The following GPR174 variants were observed in gnomAD, a reference collection of about 807,000 sequenced individuals.
GPR174 encodes probable G protein-coupled receptor 174.
GPR174 carries 8 observed loss-of-function variants against 16.5 expected under a neutral mutation model. The ratio of observed to expected loss-of-function variants is 0.48; its 90% CI spans 0.28 to 0.87. The LOEUF (loss-of-function observed/expected upper bound fraction) is 0.87. Among genes scored for constraint, GPR174 ranks in the 40% least tolerant of loss-of-function variants. The pLI, the probability that GPR174 is intolerant of heterozygous loss-of-function variation, is 0.09. For synonymous variants in GPR174, 111 were observed against 94.8 expected (o/e 1.17, Z -0.99); for missense variants, 214 against 247.5 (o/e 0.86, Z 0.91).
At chrX:79,170,282 A>G (rs761524100) in intron 2 of GPR174, among the ~76,000 whole-genome samples, 170 bp from the exon 3 acceptor site, 2 of 111,352 alleles carry the variant, frequency 1.8e-5, no homozygotes, top group South Asian at 7.5e-4. Context: ...ATGTTCTTTC[A>G]AGCTATGTTT....
At chrX:79,166,430 T>C (rs1921366365) in intron 2 of GPR174, among the ~76,000 whole-genome samples, 1 of 80,820 alleles carries the variant, frequency 1.2e-5, no homozygotes, top group Non-Finnish European at 2.3e-5. Context: ...CTTTTCTTTT[T>C]TCTTTTTTTT....
chrX:79,166,531 C>T (rs746753450), intron 2 of GPR174, among the ~76,000 whole-genome samples: 91 of 101,802 alleles, frequency 8.9e-4, no homozygotes, highest in African/African-American at 3.1e-3. Context: ...CTCTGCCTCC[C>T]GGGTTCAAGC....
Position 79,172,149 on chromosome X carries a change from C to A in GPR174, c.*140C>A. On this transcript the variant is annotated 3_prime_UTR_variant, in exon 3 of 3. Transcript: ENST00000645147. ...TCTTACTGCTATGGGGAATTCACTT[C>A]TTCAAAGCAGGACCTATTTGGAGCA... The A allele has an allele frequency of 3.4e-6, 2 of 586,176 alleles. No homozygotes were observed. The highest frequency in any genetic ancestry group is 5.2e-6 in the Non-Finnish European group (2 of 381,459). 48.3% of individuals were successfully genotyped at this position (586,176 alleles called of 1,213,427 possible).
At chrX:79,155,165 T>C (rs749748174) in intron 1 of GPR174, among the ~76,000 whole-genome samples, 1 of 112,302 alleles carries the variant, frequency 8.9e-6, no homozygotes, top group South Asian at 3.7e-4. Context: ...GTTACTCTAG[T>C]TTGATCTCAC....
intron 2 of GPR174, among the ~76,000 whole-genome samples, chrX:79,164,416 A>G (rs1214128996): frequency 8.9e-6 from 1 of 111,908 alleles, no homozygotes; most frequent in African/African-American, 3.3e-5. Context: ...CACTGGTGGA[A>G]GATTACTTAA....
At position 79,172,205 on chromosome X, in the gene GPR174, T is replaced by C. The variant is rs1921536362; in HGVS notation, c.*196T>C. On this transcript the variant is annotated 3_prime_UTR_variant, in exon 3 of 3. Transcript: ENST00000645147. ...ATCCACGATTATTGATGTTGACATG[T>C]CCATGTAGTAATTTTTCTTCAAGTC... 2.5e-6 allele frequency: 1 copy of C among 404,404 alleles called. No homozygotes were observed. The highest frequency in any genetic ancestry group is 4.0e-5 in the East Asian group (1 of 24,897). 33.3% of individuals were successfully genotyped at this position (404,404 alleles called of 1,213,427 possible).
At position 79,173,055 on chromosome X, in the gene GPR174, C is replaced by CT. The variant is rs1921557256; in HGVS notation, c.*1047dup. 8.9e-6 allele frequency: 1 copy of CT among 111,747 alleles called. No individual in the cohort carries two copies. Among genetic ancestry groups the CT allele is most frequent in the African/African-American group, 3.3e-5 (1 of 30,707 alleles). 9.2% of individuals were successfully genotyped at this position (111,747 alleles called of 1,213,427 possible). A position where few individuals can be genotyped will look rare whatever the true frequency, so the allele number is the denominator to read the frequency against. On this transcript the variant is annotated 3_prime_UTR_variant, in exon 3 of 3. Transcript: ENST00000645147. ...TTCTCATCACATTGTATTTCTTACT[C>CT]TAATACAAGGACACTTACTTAGCTT...
At chrX:79,156,236 G>C (rs1261079718) in intron 1 of GPR174, among the ~76,000 whole-genome samples, 1 of 111,609 alleles carries the variant, frequency 9.0e-6, no homozygotes, top group Non-Finnish European at 1.9e-5. Context: ...GGAAGCTGGG[G>C]TATGGTTTTT....
intron 1 of GPR174, among the ~76,000 whole-genome samples, chrX:79,149,523 G>T (rs1415810454): frequency 8.9e-6 from 1 of 112,016 alleles, no homozygotes; most frequent in Non-Finnish European, 1.9e-5. Flanking sequence ...AAAAGTCACA[G>T]TGCATATCAA....
intron 1 of GPR174, among the ~76,000 whole-genome samples, chrX:79,154,829 T>C (rs1249611140): frequency 9.0e-6 from 1 of 111,262 alleles, no homozygotes; most frequent in Non-Finnish European, 1.9e-5. Flanking sequence ...CTCTGATTAG[T>C]GCTATTTTCC....
At chrX:79,153,104 G>C (rs780594703) in intron 1 of GPR174, among the ~76,000 whole-genome samples, 6 of 112,441 alleles carry the variant, frequency 5.3e-5, no homozygotes, top group Admixed American at 1.9e-4. Context: ...GCTGTTTTCA[G>C]AAATGCTGTA....
chrX:79,157,783 T>C (rs1810873139), intron 2 of GPR174, among the ~76,000 whole-genome samples: 1 of 110,971 alleles, frequency 9.0e-6, no homozygotes, highest in Admixed American at 9.5e-5. Flanking sequence ...TGCCTGTTTT[T>C]AGAAGAAGTG....
chrX:79,163,736 T>C (rs908289088), intron 2 of GPR174, among the ~76,000 whole-genome samples: 3 of 111,873 alleles, frequency 2.7e-5, no homozygotes, highest in African/African-American at 9.7e-5. Context: ...AGTAACAAAA[T>C]ATTATGCAGT....
At position 79,170,990 on chromosome X, in the gene GPR174, G is replaced by A. The variant is rs1921499390; in HGVS notation, c.-18G>A. The A allele has an allele frequency of 8.6e-7, 1 of 1,156,188 alleles. No homozygotes were observed. Among genetic ancestry groups the A allele is most frequent in the African/African-American group, 1.8e-5 (1 of 55,360 alleles). On this transcript the variant is annotated 5_prime_UTR_variant, in exon 3 of 3. Transcript: ENST00000645147. ...TTTGAACCACCATTAGGCAAAGATAGTTTCTCTAGAGAGAATCATGCCTGC... is the reference window on the plus strand; with the variant it reads ...TTTGAACCACCATTAGGCAAAGATAATTTCTCTAGAGAGAATCATGCCTGC...
At chrX:79,167,830 T>C (rs1025093132) in intron 2 of GPR174, among the ~76,000 whole-genome samples, 1 of 112,369 alleles carries the variant, frequency 8.9e-6, no homozygotes, top group African/African-American at 3.2e-5. Context: ...ATTGTCTGTC[T>C]ACACATATGT....
At chrX:79,167,221 G>T (rs1170114356) in intron 2 of GPR174, among the ~76,000 whole-genome samples, 1 of 112,191 alleles carries the variant, frequency 8.9e-6, no homozygotes, top group African/African-American at 3.2e-5. Flanking sequence ...ATCACTCAGT[G>T]AAGATTCTCA....
At position 79,174,969 on chromosome X, in the gene GPR174, C is replaced by T. The variant is rs1921606358; in HGVS notation, c.*2960C>T. 1.8e-5 allele frequency: 2 copies of T among 111,772 alleles called. No homozygotes were observed. The highest frequency in any genetic ancestry group is 7.4e-4 in the South Asian group (2 of 2,707). The allele number at this position is 111,772 out of a possible 1,213,427, so 9.2% of individuals were successfully genotyped here. On this transcript the variant is annotated 3_prime_UTR_variant, in exon 3 of 3. Coordinates refer to ENST00000645147, the MANE Select transcript of GPR174 (RefSeq NM_032553.3). ...GTTGTTGAATTTTGATTCAAAAATGCGTAAGTATTCCAATAAGAAAAACTT... is the reference window on the plus strand; with the variant it reads ...GTTGTTGAATTTTGATTCAAAAATGTGTAAGTATTCCAATAAGAAAAACTT...
chrX:79,152,347 G>C (rs1477184283), intron 1 of GPR174, among the ~76,000 whole-genome samples: 4 of 110,003 alleles, frequency 3.6e-5, no homozygotes, highest in African/African-American at 1.3e-4. Flanking sequence ...TTTTTCCTTA[G>C]GATCAAGGAC....
Position 79,171,541 on chromosome X carries a change from C to A in GPR174, c.534C>A (p.Asn178Lys), listed in dbSNP as rs751939170. 2 of 1,211,280 alleles carry A rather than the reference C, an allele frequency of 1.7e-6. No homozygotes were observed. The highest frequency in any genetic ancestry group is 2.2e-6 in the Non-Finnish European group (2 of 895,377). Residue 178 changes from asparagine (N) to lysine (K), a missense_variant, in exon 3 of 3, where the codon AAC becomes AAA. Coordinates refer to ENST00000645147, the MANE Select transcript of GPR174 (RefSeq NM_032553.3). The part of the protein sequence containing the change: ...CFVDLPTRNV[N>K]LAQSVVMMTI... ...TGGATCTTCCTACCAGGAATGTCAA[C>A]CTGGCCCAGTCCGTTGTTATGATGA...
Sources: gnomAD v4.1 joint callset for allele counts (sites outside exome capture counted in the v4.1 genomes callset) on GRCh38, gnomAD v4.1.1 for gene constraint, MANE v1.5 for transcripts, NCBI Gene and HGNC (gene_info 2026-07-23, HGNC 2026-07-21) for gene names.